The following KCNK2 variants were observed in gnomAD, a reference collection of about 807,000 sequenced individuals.
KCNK2 encodes the protein potassium two pore domain channel subfamily K member 2, also known as potassium channel subfamily K member 2.
Under a neutral mutation model 40.5 loss-of-function variants are expected in KCNK2, and 21 were observed. That is an observed-to-expected ratio of 0.52 (90% CI 0.37 to 0.75). The LOEUF is 0.75. Among genes scored for constraint, KCNK2 ranks in the 30% least tolerant of loss-of-function variants. The pLI is 0.00. For missense variants in KCNK2, 399 were observed against 531.6 expected, an observed-to-expected ratio of 0.75 and a Z score of 2.45; for synonymous variants, 191 against 202.2, an observed-to-expected ratio of 0.94 and a Z score of 0.47.
At chr1:215,169,084 C>A in intron 3 of KCNK2, 115 bp from the exon 4 acceptor site, 1 of 677,514 alleles carries the variant, frequency 1.5e-6, no homozygotes, top group Non-Finnish European at 2.5e-6. Context: ...GTATTCTTAA[C>A]TAGTCAAAAT....
At position 215,008,126 on chromosome 1, in the gene KCNK2, T is replaced by C. The variant is rs1281315139; in HGVS notation, c.34+2171T>C. 2.6e-5 allele frequency among the ~76,000 whole-genome samples: 4 copies of C among 152,120 alleles called. No homozygotes were observed. The East Asian group carries it at 7.7e-4, about 29-fold the overall frequency. The stretch of plus-strand genomic sequence containing the variant: ...CAGAAGTCCTAAGTCTTTTTTTTTT[T>C]TTTTAAGGAAAAGGAAGCCATCTGA... On this transcript the variant is annotated intron_variant, in intron 1 of 6. Coordinates refer to the KCNK2 transcript ENST00000391895.
intron 5 of KCNK2, among the ~76,000 whole-genome samples, chr1:215,191,430 A>T (rs1664662985): frequency 2.0e-5 from 3 of 151,964 alleles, no homozygotes. Context: ...TGTTTAGGAA[A>T]CCTGCTTTGT....
At chr1:215,133,377 C>A (rs779707433) in intron 3 of KCNK2, among the ~76,000 whole-genome samples, 34 of 151,906 alleles carry the variant, frequency 2.2e-4, no homozygotes, top group African/African-American at 7.7e-4. Flanking sequence ...CTTGTCATTC[C>A]CCCTTCCTAA....
intron 6 of KCNK2, among the ~76,000 whole-genome samples, chr1:215,213,406 C>T (rs962087287): frequency 1.3e-5 from 2 of 152,068 alleles, no homozygotes; most frequent in African/African-American, 2.4e-5. Flanking sequence ...GTCAGGAGTT[C>T]GAGACTAGCC....
chr1:215,110,385 T>C (rs1660628019), intron 2 of KCNK2, among the ~76,000 whole-genome samples: 1 of 152,096 alleles, frequency 6.6e-6, no homozygotes, highest in Admixed American at 6.6e-5. Flanking sequence ...GAGTTGATTT[T>C]TATGTATAGT....
chr1:215,070,097 A>C (rs1658693275), intron 1 of KCNK2, among the ~76,000 whole-genome samples: 1 of 152,118 alleles, frequency 6.6e-6, no homozygotes, highest in African/African-American at 2.4e-5. Context: ...GACATGCTTG[A>C]GACTGGGTAA....
At chr1:215,180,684 A>C (rs1571701915) in intron 5 of KCNK2, among the ~76,000 whole-genome samples, 3 of 152,024 alleles carry the variant, frequency 2.0e-5, no homozygotes, top group Non-Finnish European at 2.9e-5. Context: ...CTGAAAAAAA[A>C]CCCCAGTCTC....
chr1:215,177,740 A>ATGTGTATATATATATATATATAT (rs71167812), intron 5 of KCNK2, among the ~76,000 whole-genome samples: 3 of 101,600 alleles, frequency 3.0e-5, no homozygotes, highest in African/African-American at 1.1e-4. Context: ...ATATATATAT[A>ATGTGTATATATATATATATATAT]TTTTTTTTTT....
chr1:215,236,049 T>TATC lies in KCNK2; in HGVS notation c.*905_*907dup, dbSNP rs1666870790. 2 of 105,834 alleles carry TATC rather than the reference T, an allele frequency of 1.9e-5. No individual in the cohort carries two copies. Among genetic ancestry groups the TATC allele is most frequent in the South Asian group, 3.8e-4 (1 of 2,618 alleles). 6.6% of individuals were successfully genotyped at this position (105,834 alleles called of 1,614,324 possible). ...TTTTTAAAGGCAGAAGAAGAAAATCTATCTATCTATCTATCTATCTATCTA... is the reference window on the plus strand; with the variant it reads ...TTTTTAAAGGCAGAAGAAGAAAATCTATCATCTATCTATCTATCTATCTATCTA... On this transcript the variant is annotated 3_prime_UTR_variant, in exon 7 of 7. Coordinates refer to ENST00000444842, the MANE Select transcript of KCNK2 (RefSeq NM_001017425.3).
chr1:215,131,415 TTA>T (rs1284189616), intron 3 of KCNK2, among the ~76,000 whole-genome samples: 9 of 146,996 alleles, frequency 6.1e-5, no homozygotes, highest in Non-Finnish European at 9.0e-5. Context: ...TATTTATATT[TTA>T]TATAATTATA....
chr1:215,131,140 G>A (rs1661657548), intron 3 of KCNK2, among the ~76,000 whole-genome samples: 1 of 151,480 alleles, frequency 6.6e-6, no homozygotes, highest in Non-Finnish European at 1.5e-5. Flanking sequence ...GATTACAGGC[G>A]TGAGCCACCG....
intron 2 of KCNK2, among the ~76,000 whole-genome samples, chr1:215,120,011 A>G (rs569053741): frequency 7.9e-5 from 12 of 152,274 alleles, no homozygotes; most frequent in African/African-American, 2.4e-4. Context: ...ACTTACAAGA[A>G]TATTCTAGAG....
intron 5 of KCNK2, among the ~76,000 whole-genome samples, chr1:215,179,300 A>G (rs1664126328): frequency 6.6e-6 from 1 of 151,966 alleles, no homozygotes; most frequent in African/African-American, 2.4e-5. Flanking sequence ...TCAAAGAACC[A>G]ACCTTTGGTT....
At chr1:215,117,006 T>A (rs963763171) in intron 2 of KCNK2, among the ~76,000 whole-genome samples, 2 of 152,040 alleles carry the variant, frequency 1.3e-5, no homozygotes, top group Non-Finnish European at 2.9e-5. Context: ...AAAAAGATTA[T>A]TGATGCTAGG....
intron 1 of KCNK2, among the ~76,000 whole-genome samples, chr1:215,064,901 T>G (rs1258031648): frequency 6.6e-6 from 1 of 152,194 alleles, no homozygotes; most frequent in African/African-American, 2.4e-5. Context: ...ATGCCCTCTT[T>G]ATTTCTTGTG....
At chr1:215,090,333 T>C (rs1659640892) in intron 2 of KCNK2, among the ~76,000 whole-genome samples, 1 of 152,164 alleles carries the variant, frequency 6.6e-6, no homozygotes, top group African/African-American at 2.4e-5. Context: ...GAGTGCATGG[T>C]GGAAGAACTG....
intron 1 of KCNK2, among the ~76,000 whole-genome samples, chr1:215,033,031 T>C (rs1657259460): frequency 6.6e-6 from 1 of 152,058 alleles, no homozygotes; most frequent in South Asian, 2.1e-4. Context: ...TCTTGAATTT[T>C]CTGTTCTGTT....
chr1:215,086,525 G>A lies in KCNK2; in HGVS notation c.204G>A (p.Val68=). The change falls in exon 2 of 7, where the codon GTG becomes GTA. Residue 68 remains valine (V), a synonymous_variant. Transcript: ENST00000444842. ...AGACGGTCTCCACGATATTCCTGGT[G>A]GTTGTCCTCTATCTGATCATCGGAG... The part of the protein sequence containing the change: ...KWKTVSTIFL[V]VVLYLIIGAT... 3 of 1,614,200 alleles carry A rather than the reference G, an allele frequency of 1.9e-6. No individual in the cohort carries two copies. The highest frequency in any genetic ancestry group is 2.5e-6 in the Non-Finnish European group (3 of 1,180,046).
At chr1:215,092,442 G>T (rs1234419593) in intron 2 of KCNK2, among the ~76,000 whole-genome samples, 1 of 152,100 alleles carries the variant, frequency 6.6e-6, no homozygotes, top group Admixed American at 6.6e-5. Flanking sequence ...ACATAGCAGG[G>T]CTTACAGATC....
Sources: allele counts gnomAD v4.1 joint callset (sites outside exome capture counted in the v4.1 genomes callset), GRCh38; gene constraint gnomAD v4.1.1; transcripts MANE v1.5; gene names NCBI Gene and HGNC (gene_info 2026-07-23, HGNC 2026-07-21).